Variants in PAWR observed in about 807,000 individuals in gnomAD.
PAWR encodes PRKC apoptosis WT1 regulator protein.
PAWR carries 23 observed loss-of-function variants against 32.0 expected under a neutral mutation model. The ratio of observed to expected loss-of-function variants is 0.72; its 90% CI spans 0.52 to 1.02. The LOEUF is 1.02. PAWR is among the 50% of genes least tolerant of loss of function. The probability of loss-of-function intolerance (pLI) is 0.00; values close to 1 mark genes in which losing one functional copy is unlikely to be tolerated. For synonymous variants in PAWR, 226 were observed against 187.1 expected, an observed-to-expected ratio of 1.21 and a Z score of -1.70; for missense variants, 457 against 437.7, an observed-to-expected ratio of 1.04 and a Z score of -0.39.
chr12:79,641,690 T>C (rs747048430), intron 2 of PAWR, among the ~76,000 whole-genome samples: 9 of 151,262 alleles, frequency 5.9e-5, no homozygotes, highest in Non-Finnish European at 1.3e-4. Context: ...CTACTAAAAA[T>C]ACAAAACTTA....
intron 2 of PAWR, among the ~76,000 whole-genome samples, chr12:79,638,790 G>GGTGTGT (rs34039182): frequency 0.014 from 1,444 of 105,240 alleles, 19 homozygotes; most frequent in Non-Finnish European, 0.018. Context: ...TTATATTTGG[G>GGTGTGT]GTGTGTGTGT....
At chr12:79,660,118 T>C (rs1877279560) in intron 2 of PAWR, among the ~76,000 whole-genome samples, 1 of 152,204 alleles carries the variant, frequency 6.6e-6, no homozygotes. Context: ...ACAGACATTG[T>C]CGGTTATAAA....
At chr12:79,629,109 G>C (rs1388180690) in intron 2 of PAWR, among the ~76,000 whole-genome samples, 2 of 151,804 alleles carry the variant, frequency 1.3e-5, no homozygotes, top group Non-Finnish European at 1.5e-5. Flanking sequence ...AGAACAGATA[G>C]GATAAATAGA....
At chr12:79,612,266 C>T (rs1325929129) in intron 4 of PAWR, among the ~76,000 whole-genome samples, 1 of 152,108 alleles carries the variant, frequency 6.6e-6, no homozygotes, top group Non-Finnish European at 1.5e-5. Context: ...AGTGTTTTCT[C>T]ATGTGCCAGA....
At chr12:79,686,118 A>G (rs1201802984) in intron 2 of PAWR, among the ~76,000 whole-genome samples, 11 of 152,224 alleles carry the variant, frequency 7.2e-5, no homozygotes, top group Admixed American at 6.5e-4. Flanking sequence ...TAAATACTGT[A>G]TATGTTAACT....
chr12:79,657,231 T>C (rs968606539), intron 2 of PAWR, among the ~76,000 whole-genome samples: 1 of 152,108 alleles, frequency 6.6e-6, no homozygotes, highest in African/African-American at 2.4e-5. Flanking sequence ...TACTCTATTG[T>C]AACAGAAAGC....
intron 2 of PAWR, among the ~76,000 whole-genome samples, chr12:79,656,673 G>A (rs772972541): frequency 6.6e-6 from 1 of 152,168 alleles, no homozygotes; most frequent in Non-Finnish European, 1.5e-5. Flanking sequence ...ATATAGATTA[G>A]TAAATTCAAT....
chr12:79,604,519 C>A (rs751660113), intron 4 of PAWR: 24 of 1,154,644 alleles, frequency 2.1e-5, no homozygotes, highest in Non-Finnish European at 2.1e-5. Context: ...AGAAGAAATA[C>A]AAGACTCAAG....
intron 2 of PAWR, among the ~76,000 whole-genome samples, chr12:79,681,213 T>A (rs1281564759): frequency 6.6e-6 from 1 of 151,166 alleles, no homozygotes; most frequent in Non-Finnish European, 1.5e-5. Context: ...TATGGGCTAA[T>A]CAAAAAGCCA....
intron 2 of PAWR, among the ~76,000 whole-genome samples, chr12:79,639,195 C>T (rs1876160758): frequency 6.6e-6 from 1 of 151,452 alleles, no homozygotes; most frequent in South Asian, 2.1e-4. Context: ...GTGTGACAGG[C>T]GTGAGCCACC....
chr12:79,630,211 A>C (rs1293634519), intron 2 of PAWR, among the ~76,000 whole-genome samples: 1 of 152,038 alleles, frequency 6.6e-6, no homozygotes, highest in Non-Finnish European at 1.5e-5. Flanking sequence ...CTGAACAAAA[A>C]AGACAGAAAA....
At chr12:79,661,287 A>C (rs1292908640) in intron 2 of PAWR, among the ~76,000 whole-genome samples, 1 of 151,852 alleles carries the variant, frequency 6.6e-6, no homozygotes, top group Non-Finnish European at 1.5e-5. Flanking sequence ...ATTTTAGTAA[A>C]CTTTGAGCCA....
chr12:79,662,208 A>G (rs1211257305), intron 2 of PAWR, among the ~76,000 whole-genome samples: 1 of 151,140 alleles, frequency 6.6e-6, no homozygotes, highest in Non-Finnish European at 1.5e-5. Flanking sequence ...TCTCAAAAAA[A>G]AAAAAAAAAA....
At chr12:79,626,293 T>C (rs1266739546) in intron 2 of PAWR, among the ~76,000 whole-genome samples, 2 of 149,708 alleles carry the variant, frequency 1.3e-5, no homozygotes, top group Non-Finnish European at 3.0e-5. Context: ...GGGGTCTTGC[T>C]GTGTCGCCCA....
In PAWR at chr12:79,608,322, T is replaced by C. The variant is rs575078109; in HGVS notation, c.683+5253A>G. Among the ~76,000 whole-genome samples the C allele has an allele frequency of 1.8e-3, 270 of 152,022 alleles. 1 individual carries two copies. The highest frequency in any genetic ancestry group is 3.4e-3 in the Non-Finnish European group (232 of 67,992). On this transcript the variant is annotated intron_variant, in intron 4 of 6. Coordinates refer to ENST00000328827, the MANE Select transcript of PAWR (RefSeq NM_002583.4). ...ACCAGGGGGATGGCAGGGAGGATGG[T>C]TTCGGGATGAAACTGTTCCACCTCA... is the stretch of plus-strand genomic sequence containing the variant.
At chr12:79,648,312 T>A (rs1876675191) in intron 2 of PAWR, among the ~76,000 whole-genome samples, 2 of 152,116 alleles carry the variant, frequency 1.3e-5, no homozygotes, top group African/African-American at 2.4e-5. Flanking sequence ...ACAGGATGGA[T>A]TCCTAATGTT....
At chr12:79,689,637 A>C in intron 2 of PAWR, 92 bp downstream of exon 2, 1 of 1,416,754 alleles carries the variant, frequency 7.1e-7, no homozygotes, top group Non-Finnish European at 9.4e-7. Context: ...AGGGGAGGTA[A>C]ACTCTGCGCC....
intron 2 of PAWR, among the ~76,000 whole-genome samples, chr12:79,659,835 A>G (rs910000951): frequency 6.6e-6 from 1 of 152,076 alleles, no homozygotes; most frequent in Admixed American, 6.6e-5. Context: ...TCTCATATTT[A>G]AAGGAAATAT....
At chr12:79,665,971 T>C (rs542547906) in intron 2 of PAWR, among the ~76,000 whole-genome samples, 36 of 152,298 alleles carry the variant, frequency 2.4e-4, no homozygotes, top group East Asian at 1.2e-3. Flanking sequence ...CACAAGGAAA[T>C]AGGTGAAAGT....
Sources: allele counts gnomAD v4.1 joint callset (sites outside exome capture counted in the v4.1 genomes callset), GRCh38; gene constraint gnomAD v4.1.1; transcripts MANE v1.5; gene names NCBI Gene and HGNC (gene_info 2026-07-23, HGNC 2026-07-21).